Variants in CDKN2AIPNL observed in about 807,000 individuals in gnomAD.
CDKN2AIPNL encodes XRN2 binding domain containing 1.
Under a neutral mutation model 12.9 loss-of-function variants are expected in CDKN2AIPNL, and 9 were observed. That is an observed-to-expected ratio of 0.70 (90% confidence interval 0.42 to 1.22). The LOEUF (loss-of-function observed/expected upper bound fraction) is 1.22, where lower values mean the gene tolerates loss of function less well. CDKN2AIPNL is among the 50% of genes most tolerant of loss of function. The pLI is 0.00. For synonymous variants in CDKN2AIPNL, 53 were observed against 61.7 expected (o/e 0.86, Z 0.66); for missense variants, 143 against 153.6 (o/e 0.93, Z 0.37).
At chr5:134,408,522 A>G (rs1288496962) in intron 2 of CDKN2AIPNL, among the ~76,000 whole-genome samples, 1 of 149,588 alleles carries the variant, frequency 6.7e-6, no homozygotes, top group Non-Finnish European at 1.5e-5. Flanking sequence ...ACAAAAAAAA[A>G]AAAAAAAAAA....
At chr5:134,405,964 A>C (rs1759097717) in intron 2 of CDKN2AIPNL, among the ~76,000 whole-genome samples, 2 of 152,354 alleles carry the variant, frequency 1.3e-5, no homozygotes, top group Admixed American at 6.5e-5. Context: ...TAAGGTGAGC[A>C]ACCACAAAGG....
At position 134,409,919 on chromosome 5, in the gene CDKN2AIPNL, C is replaced by A. The variant is rs749298194; in HGVS notation, c.323G>T (p.Ser108Ile). The change falls in exon 2 of 3, where the codon AGT becomes ATT. Residue 108 changes from serine (S) to isoleucine (I), a missense_variant. Around this residue, in one of 3 missense-constraint regions of CDKN2AIPNL, gnomAD observed 111 missense variants for 111.4 expected, o/e 1.00. Coordinates refer to ENST00000458198, the MANE Select transcript of CDKN2AIPNL (RefSeq NM_080656.3). ...VEDLPQFTTR[S>I]ELMKKHQS ...CCTATTTACCTTTTTCATTAATTCA[C>A]TTCTGGTAGTAAATTGTGGCAGGTC... 7.5e-6 allele frequency: 12 copies of A among 1,610,224 alleles called. No homozygotes were observed. The highest frequency in any genetic ancestry group is 9.3e-6 in the Non-Finnish European group (11 of 1,178,144).
intron 2 of CDKN2AIPNL, among the ~76,000 whole-genome samples, chr5:134,403,749 C>T (rs1759061620): frequency 6.6e-6 from 1 of 152,118 alleles, no homozygotes; most frequent in Non-Finnish European, 1.5e-5. Context: ...CTCAGCCTCC[C>T]GAGTAGCTGT....
chr5:134,411,678 G>T lies in CDKN2AIPNL; in HGVS notation c.177C>A (p.Gly59=). The T allele has an allele frequency of 6.2e-7, 1 of 1,613,026 alleles. No individual in the cohort carries two copies. The highest frequency in any genetic ancestry group is 8.5e-7 in the Non-Finnish European group (1 of 1,179,764). ...AGAGGGAGAGCAGCTGGTCCAGGCGGCCACTGCCGTCGGGCGGGTCGCGGT... is the reference window on the plus strand; with the variant it reads ...AGAGGGAGAGCAGCTGGTCCAGGCGTCCACTGCCGTCGGGCGGGTCGCGGT... ...PDYRDPPDGS[G]RLDQLLSLSM... Residue 59 remains glycine (G), a synonymous_variant, in exon 1 of 3, where the codon GGC becomes GGA. Transcript: ENST00000458198.
chr5:134,411,544 G>C, intron 1 of CDKN2AIPNL, 72 bp downstream of exon 1: 1 of 1,340,834 alleles, frequency 7.5e-7, no homozygotes, highest in Non-Finnish European at 1.1e-6. Context: ...TCGGGTCAGG[G>C]GTGAGCCCTG....
chr5:134,404,542 G>A (rs948176735), intron 2 of CDKN2AIPNL, among the ~76,000 whole-genome samples: 1 of 151,816 alleles, frequency 6.6e-6, no homozygotes, highest in Non-Finnish European at 1.5e-5. Flanking sequence ...TGCCCAGGCT[G>A]GTCTGGAACT....
chr5:134,411,778 T>C lies in CDKN2AIPNL; in HGVS notation c.77A>G (p.Gln26Arg), dbSNP rs1398259867. ...GVRQAADFAE[Q>R]FRSYSESEKQ... ...CTCGCTCTCTGAGTAGGAGCGGAAC[T>C]GCTCCGCGAAGTCGGCCGCCTGCCG... The change falls in exon 1 of 3, where the codon CAG becomes CGG. Residue 26 changes from glutamine (Q) to arginine (R), a missense_variant. This residue lies in a region of CDKN2AIPNL where 2 missense variants were observed against 17.0 expected (regional missense o/e 0.12). Transcript: ENST00000458198. 6.2e-7 allele frequency: 1 copy of C among 1,607,634 alleles called. No individual in the cohort carries two copies. The highest frequency in any genetic ancestry group is 8.5e-7 in the Non-Finnish European group (1 of 1,178,014).
At chr5:134,407,666 T>C (rs934076203) in intron 2 of CDKN2AIPNL, among the ~76,000 whole-genome samples, 6 of 151,800 alleles carry the variant, frequency 4.0e-5, no homozygotes, top group African/African-American at 1.2e-4. Flanking sequence ...TCCCAGCTTC[T>C]TGGGACGCTG....
intron 1 of CDKN2AIPNL, chr5:134,411,123 T>A: frequency 1.4e-6 from 1 of 702,486 alleles, no homozygotes; most frequent in Non-Finnish European, 2.6e-6. Flanking sequence ...ACAGATTACA[T>A]CCTCTCATTA....
chr5:134,403,374 G>A (rs1400366166), intron 2 of CDKN2AIPNL, among the ~76,000 whole-genome samples: 3 of 152,218 alleles, frequency 2.0e-5, no homozygotes, highest in Admixed American at 6.5e-5. Context: ...ATTAGAAACT[G>A]TAAAAGCTTG....
In CDKN2AIPNL at chr5:134,411,007, C is replaced by T; in HGVS notation, c.239+609G>A. 4.3e-6 allele frequency: 3 copies of T among 701,926 alleles called. 1 individual carries two copies. The highest frequency in any genetic ancestry group is 7.8e-6 in the Non-Finnish European group (3 of 384,986). The allele number at this position is 701,926 out of a possible 1,614,324, so 43.5% of individuals were successfully genotyped here. A position where few individuals can be genotyped will look rare whatever the true frequency, so the allele number is the denominator to read the frequency against. On this transcript the variant is annotated intron_variant, in intron 1 of 2. Coordinates refer to ENST00000458198, the MANE Select transcript of CDKN2AIPNL (RefSeq NM_080656.3). ...AGGATGAAGTGGGCTTTGAGACCTT[C>T]ACAAAAAGGCATCGGCCATTTTCAT...
chr5:134,408,546 G>A (rs974089870), intron 2 of CDKN2AIPNL, among the ~76,000 whole-genome samples: 39 of 150,726 alleles, frequency 2.6e-4, no homozygotes, highest in Non-Finnish European at 4.1e-4. Context: ...TTGGCTGGGC[G>A]TGGTGGCAGG....
chr5:134,409,222 A>C (rs1172919731), intron 2 of CDKN2AIPNL, among the ~76,000 whole-genome samples: 1 of 152,258 alleles, frequency 6.6e-6, no homozygotes, highest in Non-Finnish European at 1.5e-5. Flanking sequence ...AAAGTGCCAA[A>C]GGAACTTCAG....
chr5:134,407,256 AACACACACACACACACACACACAC>A (rs5871539), intron 2 of CDKN2AIPNL, among the ~76,000 whole-genome samples: 1 of 139,710 alleles, frequency 7.2e-6, no homozygotes, highest in Non-Finnish European at 1.5e-5. Context: ...GACCCTTCCT[AACACACACACACACACACACACAC>A]ACACACACAC....
intron 2 of CDKN2AIPNL, among the ~76,000 whole-genome samples, chr5:134,406,190 A>G (rs729800): frequency 0.57 from 86,489 of 152,122 alleles, 26,599 homozygotes; most frequent in Non-Finnish European, 0.71. Flanking sequence ...CAGAATAGCC[A>G]TAAAGTATTT....
chr5:134,409,866 C>T, intron 2 of CDKN2AIPNL, 37 bp downstream of exon 2: 1 of 1,366,990 alleles, frequency 7.3e-7, no homozygotes, highest in Non-Finnish European at 1.0e-6. Flanking sequence ...GTTAACTCTA[C>T]ACCATTTCAT....
chr5:134,407,256 AACACAC>A (rs5871539), intron 2 of CDKN2AIPNL, among the ~76,000 whole-genome samples: 9,243 of 139,322 alleles, frequency 0.066, 329 homozygotes, highest in Middle Eastern at 0.12. Context: ...GACCCTTCCT[AACACAC>A]ACACACACAC....
chr5:134,402,946 A>G lies in CDKN2AIPNL; in HGVS notation c.340-20T>C, dbSNP rs763359665. ...TTGATGCTGGGAAAAAAAGAAAAGA[A>G]AAGGTTACATAACCATGTAGTCCAG... is the stretch of plus-strand genomic sequence containing the variant. On this transcript the variant is annotated intron_variant, in intron 2 of 2. Coordinates refer to ENST00000458198, the MANE Select transcript of CDKN2AIPNL (RefSeq NM_080656.3). 5 of 1,601,300 alleles carry G rather than the reference A, an allele frequency of 3.1e-6. No individual in the cohort carries two copies. In the African/African-American group the frequency reaches 6.7e-5, roughly 21 times the overall value.
chr5:134,407,220 A>G (rs1017240247), intron 2 of CDKN2AIPNL, among the ~76,000 whole-genome samples: 4 of 150,710 alleles, frequency 2.7e-5, no homozygotes, highest in African/African-American at 9.8e-5. Flanking sequence ...TTTTAGGTAT[A>G]AGACCCCTTT....
Sources: gnomAD v4.1 joint callset for allele counts (sites outside exome capture counted in the v4.1 genomes callset) on GRCh38, gnomAD v4.1.1 for gene constraint, gnomAD v4.1.1 regional missense constraint, MANE v1.5 for transcripts, NCBI Gene and HGNC (gene_info 2026-07-23, HGNC 2026-07-21) for gene names.